Variants in TP73 observed in about 807,000 individuals in gnomAD.
TP73 encodes tumor protein p73, also known as p53-like transcription factor.
A neutral mutation model predicts 62.5 loss-of-function variants in TP73; 25 were observed. That is an observed-to-expected ratio of 0.40 (90% CI 0.29 to 0.56). TP73 has a LOEUF of 0.56. Ranked by LOEUF, TP73 falls within the 20% of genes least tolerant of loss-of-function variation. The pLI is 0.46. For missense variants in TP73, 754 were observed against 913.3 expected (o/e 0.83, Z 2.25); for synonymous variants, 423 against 377.5 (o/e 1.12, Z -1.40).
intron 1 of TP73, among the ~76,000 whole-genome samples, chr1:3,668,155 G>A (rs1248753120): frequency 6.6e-6 from 1 of 152,236 alleles, no homozygotes; most frequent in Admixed American, 6.5e-5. Flanking sequence ...AGGGGTGGGG[G>A]AGGAGGAGTG....
intron 1 of TP73, among the ~76,000 whole-genome samples, chr1:3,680,064 T>C (rs1645484995): frequency 6.6e-6 from 1 of 152,152 alleles, no homozygotes; most frequent in Admixed American, 6.5e-5. Flanking sequence ...TGTCTCTATG[T>C]CTCTGTCTCT....
At chr1:3,687,320 G>A (rs1162897669) in intron 3 of TP73, among the ~76,000 whole-genome samples, 1 of 152,206 alleles carries the variant, frequency 6.6e-6, no homozygotes, top group Admixed American at 6.5e-5. Flanking sequence ...AAGGCTTGAC[G>A]GGCTTCTGGA....
intron 3 of TP73, among the ~76,000 whole-genome samples, chr1:3,700,122 G>C (rs1259133526): frequency 1.3e-5 from 2 of 152,104 alleles, no homozygotes; most frequent in Non-Finnish European, 2.9e-5. Context: ...GTTTCCGAAT[G>C]AGCATTTGTG....
chr1:3,660,592 T>C (rs1644968332), intron 1 of TP73, among the ~76,000 whole-genome samples: 1 of 152,220 alleles, frequency 6.6e-6, no homozygotes, highest in Non-Finnish European at 1.5e-5. Context: ...TCATTTCAAT[T>C]TTGCTTATAA....
At position 3,733,180 on chromosome 1, in the gene TP73, G is replaced by A. The variant is rs530584673; in HGVS notation, c.*101G>A. ...AACTGCCTCAGGAGGCAGGACCTTC[G>A]GGCTGTGCCCGGGGAAAGGCAAGGT... On this transcript the variant is annotated 3_prime_UTR_variant, in exon 14 of 14. Transcript: ENST00000378295. The A allele has an allele frequency of 4.3e-5, 57 of 1,338,116 alleles. No homozygotes were observed. In the East Asian group the frequency reaches 8.6e-4, roughly 20 times the overall value. 82.9% of individuals were successfully genotyped at this position (1,338,116 alleles called of 1,614,324 possible).
intron 1 of TP73, among the ~76,000 whole-genome samples, chr1:3,653,646 G>C (rs1490316050): frequency 4.6e-5 from 7 of 152,158 alleles, no homozygotes; most frequent in African/African-American, 1.7e-4. Flanking sequence ...ACAATGCTTT[G>C]GTTTTTGTTG....
rs1310437426 is a variant in TP73, at chr1:3,666,174, C to T, written c.-34+13533C>T. 6.8e-6 allele frequency among the ~76,000 whole-genome samples: 1 copy of T among 146,224 alleles called. No homozygotes were observed. Among genetic ancestry groups the T allele is most frequent in the Non-Finnish European group, 1.5e-5 (1 of 66,550 alleles). On this transcript the variant is annotated intron_variant, in intron 1 of 13. Coordinates refer to ENST00000378295, the MANE Select transcript of TP73 (RefSeq NM_005427.4). The surrounding 1 kb of genome is among the most constrained non-coding windows in gnomAD (Gnocchi z 6.4). ...AAAGAGAGAGAGAGAGAGAGAATCT[C>T]ACTCTGCAGCCTAGGCTGGTGTGCA...
chr1:3,680,169 T>G (rs899058785), intron 1 of TP73, among the ~76,000 whole-genome samples: 1 of 152,216 alleles, frequency 6.6e-6, no homozygotes, highest in Non-Finnish European at 1.5e-5. Flanking sequence ...GGCTGACAGA[T>G]GAGGTCATGT....
Position 3,662,056 on chromosome 1 carries a change from C to T in TP73, c.-34+9415C>T, listed in dbSNP as rs949552480. ...CCTGGGTGACAGAGTGAGACCCTGTCTCAAAAAAAAAAAGAACTAGTTCAC... is the reference window on the plus strand; with the variant it reads ...CCTGGGTGACAGAGTGAGACCCTGTTTCAAAAAAAAAAAGAACTAGTTCAC... On this transcript the variant is annotated intron_variant, in intron 1 of 13. Transcript: ENST00000378295. The surrounding 1 kb of genome is among the most constrained non-coding windows in gnomAD (Gnocchi z 4.4). 4.3e-5 allele frequency: 6 copies of T among 140,836 alleles called. No homozygotes were observed. The highest frequency in any genetic ancestry group is 1.6e-4 in the African/African-American group (6 of 38,146). 8.7% of individuals were successfully genotyped at this position (140,836 alleles called of 1,614,324 possible).
chr1:3,657,859 C>G (rs1644899408), intron 1 of TP73, among the ~76,000 whole-genome samples: 1 of 152,244 alleles, frequency 6.6e-6, no homozygotes, highest in Non-Finnish European at 1.5e-5. Context: ...AGCAGCTCCT[C>G]TACCTGGGGA....
chr1:3,715,230 C>T (rs756630125), intron 4 of TP73, among the ~76,000 whole-genome samples: 13 of 152,136 alleles, frequency 8.5e-5, no homozygotes, highest in Non-Finnish European at 1.3e-4. Context: ...AGTCCAGCCA[C>T]GGGGTAAGAA....
rs897443878 is a variant in TP73 at position 3,672,755 on chromosome 1, C to T, written c.-33-9578C>T. Among the ~76,000 whole-genome samples the T allele has an allele frequency of 5.3e-5, 8 of 152,184 alleles. No homozygotes were observed. In the South Asian group the frequency reaches 6.2e-4, roughly 12 times the overall value. On this transcript the variant is annotated intron_variant, in intron 1 of 13. Transcript: ENST00000378295. This position sits in a 1 kb window ranked among gnomAD's most constrained non-coding sequence, Gnocchi z 5.3. Reference sequence around the variant, plus strand: ...TGGCAGGAAACATCACCAAGCTCAGCGCCCCAGTTCCCTGACAGGGCCCCA... The same window carrying T: ...TGGCAGGAAACATCACCAAGCTCAGTGCCCCAGTTCCCTGACAGGGCCCCA...
At chr1:3,656,915 A>G (rs1037404082) in intron 1 of TP73, among the ~76,000 whole-genome samples, 1 of 152,258 alleles carries the variant, frequency 6.6e-6, no homozygotes, top group Non-Finnish European at 1.5e-5. Flanking sequence ...TGACCTCACC[A>G]GTGGGAACCA....
intron 1 of TP73, among the ~76,000 whole-genome samples, chr1:3,671,664 C>T (rs773098155): frequency 6.6e-5 from 10 of 152,228 alleles, no homozygotes; most frequent in Non-Finnish European, 1.2e-4. Flanking sequence ...CTCGCCCTCT[C>T]GGGGCCTCTG....
chr1:3,707,029 C>T (rs1185255110), intron 3 of TP73, among the ~76,000 whole-genome samples: 2 of 152,148 alleles, frequency 1.3e-5, no homozygotes, highest in African/African-American at 2.4e-5. Context: ...AGGGCCAGAC[C>T]TAGTGAGAGC....
intron 3 of TP73, among the ~76,000 whole-genome samples, chr1:3,691,661 G>A (rs1021605616): frequency 1.3e-5 from 2 of 152,180 alleles, no homozygotes; most frequent in Non-Finnish European, 1.5e-5. Context: ...GGCCAGGCAG[G>A]CACCAGCTGC....
intron 4 of TP73, among the ~76,000 whole-genome samples, chr1:3,716,421 G>A (rs1185289542): frequency 6.6e-6 from 1 of 152,240 alleles, no homozygotes; most frequent in Non-Finnish European, 1.5e-5. Flanking sequence ...ATGTCCTGGT[G>A]AGTGAGCCGT....
At chr1:3,720,005 T>G (rs1640942819) in intron 4 of TP73, among the ~76,000 whole-genome samples, 1 of 148,172 alleles carries the variant, frequency 6.7e-6, no homozygotes, top group South Asian at 2.3e-4. Flanking sequence ...AACCTCCACC[T>G]CCCGAGTTCA....
intron 3 of TP73, among the ~76,000 whole-genome samples, chr1:3,689,896 G>A (rs966075841): frequency 3.9e-5 from 6 of 152,168 alleles, no homozygotes; most frequent in African/African-American, 1.4e-4. Flanking sequence ...CCCTCTGCCA[G>A]GGTCAACTTT....
Sources: allele counts gnomAD v4.1 joint callset (sites outside exome capture counted in the v4.1 genomes callset), GRCh38; gene constraint gnomAD v4.1.1; non-coding constraint Gnocchi (gnomAD v3.1); transcripts MANE v1.5; gene names NCBI Gene and HGNC (gene_info 2026-07-23, HGNC 2026-07-21).